Variants in IRGM observed in about 807,000 individuals in gnomAD.
IRGM encodes the protein immunity-related GTPase family M protein.
For missense variants in IRGM, 288 were observed against 219.9 expected (o/e 1.31, Z -1.96); for synonymous variants, 98 against 80.6 (o/e 1.22, Z -1.16).
At chr5:150,858,839 G>T (rs959730361) in intron 1 of IRGM, among the ~76,000 whole-genome samples, 3 of 152,094 alleles carry the variant, frequency 2.0e-5, no homozygotes, top group African/African-American at 4.8e-5. Flanking sequence ...GAGATGATGG[G>T]GTTTTCTAGA....
chr5:150,892,799 T>TGGA (rs1014074552), intron 3 of IRGM, among the ~76,000 whole-genome samples: 1 of 152,110 alleles, frequency 6.6e-6, no homozygotes, highest in Non-Finnish European at 1.5e-5. Flanking sequence ...TCACCCAGGC[T>TGGA]GGAGTGCAGT....
intron 1 of IRGM, among the ~76,000 whole-genome samples, chr5:150,863,819 A>G (rs1258116146): frequency 2.0e-5 from 3 of 152,196 alleles, no homozygotes; most frequent in Non-Finnish European, 4.4e-5. Context: ...CATTTTCTAA[A>G]TGTTCTTGAC....
At chr5:150,880,885 G>A (rs78686350) in intron 3 of IRGM, among the ~76,000 whole-genome samples, 4,322 of 152,170 alleles carry the variant, frequency 0.028, 153 homozygotes, top group South Asian at 0.077. Context: ...CCAGCACTTC[G>A]GGAGGCTGAG....
intron 3 of IRGM, among the ~76,000 whole-genome samples, chr5:150,882,071 A>T (rs972418640): frequency 6.6e-6 from 1 of 151,698 alleles, no homozygotes; most frequent in Non-Finnish European, 1.5e-5. Flanking sequence ...AGTCCCAGCT[A>T]CTCAGGAGGC....
chr5:150,855,341 T>A (rs1754034846), intron 1 of IRGM, among the ~76,000 whole-genome samples: 1 of 152,224 alleles, frequency 6.6e-6, no homozygotes, highest in Admixed American at 6.5e-5. Context: ...TGAAATTTTC[T>A]CATTTTTTTC....
chr5:150,858,153 G>A (rs1328262985), intron 1 of IRGM, among the ~76,000 whole-genome samples: 7 of 151,776 alleles, frequency 4.6e-5, no homozygotes, highest in African/African-American at 1.7e-4. Flanking sequence ...TGGCTAGCCA[G>A]TTTTCCCAGC....
chr5:150,869,102 A>G (rs1754246555), intron 1 of IRGM, among the ~76,000 whole-genome samples: 1 of 152,132 alleles, frequency 6.6e-6, no homozygotes, highest in African/African-American at 2.4e-5. Context: ...CCCATTCAAT[A>G]TAATGTTGGC....
chr5:150,865,150 C>G (rs1047480294), intron 1 of IRGM, among the ~76,000 whole-genome samples: 1 of 152,056 alleles, frequency 6.6e-6, no homozygotes, highest in Admixed American at 6.6e-5. Flanking sequence ...TTACTTCTGA[C>G]CAGTAAGCGT....
intron 1 of IRGM, among the ~76,000 whole-genome samples, chr5:150,875,753 G>A (rs950284782): frequency 1.3e-5 from 2 of 152,190 alleles, no homozygotes; most frequent in African/African-American, 4.8e-5. Flanking sequence ...GGCCACTGCT[G>A]AGTGCCCAAT....
intron 1 of IRGM, among the ~76,000 whole-genome samples, chr5:150,864,336 T>C (rs114117189): frequency 0.017 from 2,633 of 152,282 alleles, 72 homozygotes; most frequent in African/African-American, 0.06. Flanking sequence ...AATTAATTTT[T>C]CCCATCGTAG....
At chr5:150,867,333 T>G (rs1754222149) in intron 1 of IRGM, among the ~76,000 whole-genome samples, 1 of 152,208 alleles carries the variant, frequency 6.6e-6, no homozygotes, top group African/African-American at 2.4e-5. Context: ...TCATTCCTTT[T>G]TATGGCTGAG....
chr5:150,895,321 T>A, intron 3 of IRGM: 1 of 875,608 alleles, frequency 1.1e-6, no homozygotes, highest in Non-Finnish European at 1.6e-6. Context: ...CCCTTAAAAA[T>A]TTTTATCTAT....
At position 150,856,002 on chromosome 5, in the gene IRGM, G is replaced by T. The variant is rs1754043736; in HGVS notation, c.158+7348G>T. ...CATGTTTTAACTTCAAAACTCAAGA[G>T]ATTTTAAAATTATAACAATAAATTA... On this transcript the variant is annotated intron_variant and NMD_transcript_variant, in intron 1 of 3. Coordinates refer to the IRGM transcript ENST00000520549. Among the ~76,000 whole-genome samples the T allele has an allele frequency of 3.3e-5, 5 of 150,864 alleles. No homozygotes were observed. The South Asian group carries it at 1.0e-3, about 31-fold the overall frequency.
At chr5:150,849,873 G>A (rs1303963001), downstream of IRGM, among the ~76,000 whole-genome samples, 2 of 151,974 alleles carry the variant, frequency 1.3e-5, no homozygotes, top group Admixed American at 6.6e-5. Context: ...CCAAAGTGCT[G>A]GGATTACAGG....
chr5:150,895,608 G>A, intron 3 of IRGM: 2 of 1,613,414 alleles, frequency 1.2e-6, no homozygotes, highest in Non-Finnish European at 1.7e-6. Context: ...TTTCTCTCCT[G>A]TATGAATTCG....
Position 150,847,227 on chromosome 5 carries a change from G to A in IRGM, c.-416+7G>A, listed in dbSNP as rs763856011. On this transcript the variant is annotated splice_region_variant and intron_variant, in intron 1 of 1. Coordinates refer to ENST00000522154, the MANE Select transcript of IRGM (RefSeq NM_001145805.2). ...TGCTCCCCCGCCTGATGAGGTAAGT[G>A]TTAAACAGGGATGATCACAGCTTCA... The A allele has an allele frequency of 6.6e-6, 1 of 152,394 alleles. No homozygotes were observed. The highest frequency in any genetic ancestry group is 1.5e-5 in the Non-Finnish European group (1 of 68,092). 9.4% of individuals were successfully genotyped at this position (152,394 alleles called of 1,614,324 possible).
intron 3 of IRGM, among the ~76,000 whole-genome samples, chr5:150,892,976 T>A (rs1561752892): frequency 6.6e-6 from 1 of 152,126 alleles, no homozygotes; most frequent in Admixed American, 6.6e-5. Flanking sequence ...ATGTCCTTTT[T>A]ATTTTTTTGG....
chr5:150,883,624 AAATTT>A (rs1754476406), intron 3 of IRGM, among the ~76,000 whole-genome samples: 1 of 152,034 alleles, frequency 6.6e-6, no homozygotes, highest in East Asian at 1.9e-4. Flanking sequence ...ATAGGCCATC[AAATTT>A]AATAACCCAC....
At chr5:150,895,661 A>G (rs1754732536) in intron 3 of IRGM, 1 of 1,613,094 alleles carries the variant, frequency 6.2e-7, no homozygotes, top group African/African-American at 1.3e-5. Flanking sequence ...AGGCTTTCCC[A>G]CATTCAGTAC....
Sources: allele counts gnomAD v4.1 joint callset (sites outside exome capture counted in the v4.1 genomes callset), GRCh38; gene constraint gnomAD v4.1.1; transcripts MANE v1.5; gene names NCBI Gene and HGNC (gene_info 2026-07-23, HGNC 2026-07-21).